Variants in RAB3GAP2 observed in about 807,000 individuals in gnomAD.
RAB3GAP2 encodes rab3 GTPase-activating protein non-catalytic subunit.
RAB3GAP2 carries 87 observed loss-of-function variants against 185.3 expected under a neutral mutation model. The observed-to-expected ratio is 0.47, with a 90% CI of 0.39 to 0.56. The LOEUF (loss-of-function observed/expected upper bound fraction) is 0.56, where lower values mean the gene tolerates loss of function less well. Ranked by LOEUF, RAB3GAP2 falls within the 20% of genes least tolerant of loss-of-function variation. RAB3GAP2 has a pLI of 0.00. For synonymous variants in RAB3GAP2, 554 were observed against 576.1 expected, an observed-to-expected ratio of 0.96 and a Z score of 0.55; for missense variants, 1,492 against 1,638.2, an observed-to-expected ratio of 0.91 and a Z score of 1.54.
intron 14 of RAB3GAP2, 40 bp from the exon 15 acceptor site, chr1:220,190,560 C>A: frequency 6.4e-7 from 1 of 1,553,040 alleles, no homozygotes; most frequent in Non-Finnish European, 8.9e-7. Context: ...AATATTAGAA[C>A]AAGGAGAAAT....
chr1:220,168,690 C>A (rs1011221904), intron 24 of RAB3GAP2, among the ~76,000 whole-genome samples: 1 of 152,198 alleles, frequency 6.6e-6, no homozygotes, highest in Admixed American at 6.5e-5. Context: ...TGCCACCATG[C>A]CCAGCCCTAT....
chr1:220,190,579 G>A, intron 14 of RAB3GAP2, 59 bp from the exon 15 acceptor site: 4 of 1,522,598 alleles, frequency 2.6e-6, no homozygotes, highest in Admixed American at 3.3e-5. Flanking sequence ...ATGCCAAAAG[G>A]TGCTTTTATT....
At chr1:220,253,736 G>A in intron 1 of RAB3GAP2, 1 of 1,611,664 alleles carries the variant, frequency 6.2e-7, no homozygotes, top group South Asian at 1.1e-5. Context: ...TGGGATGAGT[G>A]GGTTCCGGAG....
At chr1:220,152,240 T>G (rs1657771337) in intron 33 of RAB3GAP2, among the ~76,000 whole-genome samples, 1 of 151,924 alleles carries the variant, frequency 6.6e-6, no homozygotes, top group African/African-American at 2.4e-5. Context: ...CACGCCCAGC[T>G]AATTTTTTGT....
intron 3 of RAB3GAP2, among the ~76,000 whole-genome samples, chr1:220,213,649 G>C (rs1257571502): frequency 8.5e-6 from 1 of 118,296 alleles, no homozygotes; most frequent in Non-Finnish European, 1.6e-5. Context: ...AGCCAAGAAA[G>C]AAAAAAGGGA....
At chr1:220,178,936 A>T (rs910723484) in intron 21 of RAB3GAP2, among the ~76,000 whole-genome samples, 2 of 151,942 alleles carry the variant, frequency 1.3e-5, no homozygotes, top group African/African-American at 2.4e-5. Flanking sequence ...TAATAATAAT[A>T]AAAAAAAGAC....
chr1:220,172,669 T>C lies in RAB3GAP2; in HGVS notation c.2384A>G (p.His795Arg), dbSNP rs1444032167. 3.7e-6 allele frequency: 6 copies of C among 1,612,894 alleles called. No individual in the cohort carries two copies. The highest frequency in any genetic ancestry group is 5.1e-6 in the Non-Finnish European group (6 of 1,178,878). The change falls in exon 22 of 35, where the codon CAT (histidine) becomes CGT (arginine). Residue 795 changes from histidine (H) to arginine (R), a missense_variant. This residue lies in a region of RAB3GAP2 where 681 missense variants were observed against 689.1 expected (regional missense o/e 0.99). Coordinates refer to ENST00000358951, the MANE Select transcript of RAB3GAP2 (RefSeq NM_012414.4). ...LDKPQSICCLHTMLSLLSKMK... is the reference protein window; with the variant it reads ...LDKPQSICCLRTMLSLLSKMK... ...CTTGCTCAGGAGGGACAGCATGGTATGAAGACAGCAGATTGACTGTGGTTT... is the reference window on the plus strand; with the variant it reads ...CTTGCTCAGGAGGGACAGCATGGTACGAAGACAGCAGATTGACTGTGGTTT...
intron 1 of RAB3GAP2, among the ~76,000 whole-genome samples, chr1:220,256,658 G>A (rs1460746618): frequency 2.0e-5 from 3 of 152,006 alleles, no homozygotes; most frequent in African/African-American, 7.3e-5. Flanking sequence ...GACAAAGAAG[G>A]GCATTACATA....
intron 2 of RAB3GAP2, among the ~76,000 whole-genome samples, chr1:220,216,060 A>C (rs1224592431): frequency 2.6e-5 from 4 of 152,046 alleles, no homozygotes; most frequent in East Asian, 1.9e-4. Flanking sequence ...TTAAAACACA[A>C]AAAAAATATG....
intron 7 of RAB3GAP2, among the ~76,000 whole-genome samples, chr1:220,210,050 G>A (rs1659050098): frequency 6.6e-6 from 1 of 152,030 alleles, no homozygotes; most frequent in African/African-American, 2.4e-5. Flanking sequence ...GGTAATTTTG[G>A]CACCTAAATC....
At position 220,253,567 on chromosome 1, in the gene RAB3GAP2, T is replaced by C. The variant is rs1659978082; in HGVS notation, c.115+18656A>G. 6 of 1,586,412 alleles carry C rather than the reference T, an allele frequency of 3.8e-6. No homozygotes were observed. In the East Asian group the frequency reaches 9.0e-5, roughly 24 times the overall value. On this transcript the variant is annotated intron_variant, in intron 1 of 34. Coordinates refer to ENST00000358951, the MANE Select transcript of RAB3GAP2 (RefSeq NM_012414.4). ...GAAGGAGGAGGCGGCAAATCACTTATAAATGGCGCGGAAGCAGGACCCGAA... is the reference window on the plus strand; with the variant it reads ...GAAGGAGGAGGCGGCAAATCACTTACAAATGGCGCGGAAGCAGGACCCGAA...
rs1197376474 is a variant in RAB3GAP2, at chr1:220,243,879, C to T, written c.116-11016G>A. On this transcript the variant is annotated intron_variant, in intron 1 of 34. Coordinates refer to ENST00000358951, the MANE Select transcript of RAB3GAP2 (RefSeq NM_012414.4). ...ACCCAGAAAGCAAACTTTGATACAA[C>T]ATCCCAAAAGCAGAAAACACAGGCA... 2.6e-5 allele frequency among the ~76,000 whole-genome samples: 4 copies of T among 152,104 alleles called. 1 individual carries two copies. Among genetic ancestry groups the T allele is most frequent in the African/African-American group, 4.8e-5 (2 of 41,410 alleles).
intron 2 of RAB3GAP2, among the ~76,000 whole-genome samples, chr1:220,228,319 C>T (rs1316760273): frequency 6.6e-6 from 1 of 152,176 alleles, no homozygotes; most frequent in Non-Finnish European, 1.5e-5. Flanking sequence ...GCCTCTGGAG[C>T]TGGTTATAGT....
intron 21 of RAB3GAP2, among the ~76,000 whole-genome samples, chr1:220,178,192 CAA>C (rs1417858363): frequency 2.0e-5 from 3 of 152,026 alleles, no homozygotes; most frequent in African/African-American, 4.8e-5. Context: ...CTGTACGTGG[CAA>C]AGTTATTCCT....
chr1:220,213,742 G>GC (rs1241403001), intron 3 of RAB3GAP2, 114 bp downstream of exon 3: 27 of 988,118 alleles, frequency 2.7e-5, no homozygotes, highest in Non-Finnish European at 3.7e-5. Context: ...TGGGGGGGGG[G>GC]GGAGAGAGAG....
chr1:220,195,123 T>C lies in RAB3GAP2; in HGVS notation c.1085A>G (p.Gln362Arg). ...TGGCTCAACCTTCGGCTTTTGCTTT[T>C]GGACAGCTTCTTCTTCGTGCTTACT... The part of the protein sequence containing the change: ...WKSKHEEEAV[Q>R]KQKPKVEPAT... The change falls in exon 12 of 35, where the codon CAA (glutamine) becomes CGA (arginine). Residue 362 changes from glutamine (Q) to arginine (R), a missense_variant. By Grantham distance (43) the Gln-to-Arg change is conservative. Transcript: ENST00000358951. 1 of 1,614,178 alleles carries C rather than the reference T, an allele frequency of 6.2e-7. No homozygotes were observed. The highest frequency in any genetic ancestry group is 1.1e-5 in the South Asian group (1 of 91,084).
chr1:220,191,109 C>T lies in RAB3GAP2; in HGVS notation c.1446G>A (p.Gln482=). ...CATTGAAAGCTCCTACTCTAGGTCC[C>T]TGCTGTGTGCTCCACACTTCTAAAA... ...RGILEVWSTQ[Q]GPRVGAFNVG... The change falls in exon 14 of 35, where the codon CAG becomes CAA. Residue 482 remains glutamine (Q), a synonymous_variant. Transcript: ENST00000358951. 1 of 1,614,024 alleles carries T rather than the reference C, an allele frequency of 6.2e-7. No individual in the cohort carries two copies. Among genetic ancestry groups the T allele is most frequent in the Non-Finnish European group, 8.5e-7 (1 of 1,179,962 alleles).
chr1:220,151,311 T>C lies in RAB3GAP2; in HGVS notation c.4122A>G (p.Gln1374=). 6.2e-7 allele frequency: 1 copy of C among 1,614,124 alleles called. No individual in the cohort carries two copies. Among genetic ancestry groups the C allele is most frequent in the South Asian group, 1.1e-5 (1 of 91,086 alleles). ...VIELLPEKHG[Q]YGLALHLIEA... is the part of the protein sequence containing the mutation. ...CAATGAGGTGTAAGGCTAGACCATA[T>C]TGCCCATGTTTTTCTGGTAAAAGCT... The change falls in exon 35 of 35, where the codon CAA becomes CAG. Residue 1374 remains glutamine, a synonymous_variant. Transcript: ENST00000358951.
rs1290503770 is a variant in RAB3GAP2, at chr1:220,211,013, A to C, written c.387-11T>G. 2 of 1,611,948 alleles carry C rather than the reference A, an allele frequency of 1.2e-6. No individual in the cohort carries two copies. Among genetic ancestry groups the C allele is most frequent in the African/African-American group, 2.7e-5 (2 of 74,880 alleles). The stretch of plus-strand genomic sequence containing the variant: ...CTGGTTACACATTCCCTAAAAACAA[A>C]AACAAAATCATATGCTTACCCACTG... On this transcript the variant is annotated splice_polypyrimidine_tract_variant and intron_variant, in intron 4 of 34. Coordinates refer to ENST00000358951, the MANE Select transcript of RAB3GAP2 (RefSeq NM_012414.4).
Sources: gnomAD v4.1 joint callset for allele counts (sites outside exome capture counted in the v4.1 genomes callset) on GRCh38, gnomAD v4.1.1 for gene constraint, gnomAD v4.1.1 regional missense constraint, MANE v1.5 for transcripts, NCBI Gene and HGNC (gene_info 2026-07-23, HGNC 2026-07-21) for gene names.